ARHGAP6: variants seen among roughly 807,000 people sequenced by gnomAD.
The protein encoded by ARHGAP6 is Rho GTPase activating protein 6, also known as rho GTPase-activating protein 6.
In ARHGAP6, 16 loss-of-function variants were observed where a neutral mutation model predicts 55.7. That is an observed-to-expected ratio of 0.29 (90% CI 0.19 to 0.44). The LOEUF (loss-of-function observed/expected upper bound fraction) is 0.44. ARHGAP6 is among the 20% of genes least tolerant of loss of function. The pLI is 1.00. For missense variants in ARHGAP6, 698 were observed against 808.9 expected (o/e 0.86, Z 1.66); for synonymous variants, 382 against 360.9 (o/e 1.06, Z -0.66).
At chrX:11,623,577 G>A (rs1184981307) in intron 1 of ARHGAP6, among the ~76,000 whole-genome samples, 6 of 107,732 alleles carry the variant, frequency 5.6e-5, no homozygotes, top group Non-Finnish European at 1.2e-4. Flanking sequence ...GGCACCTGTA[G>A]TCCCAGCTAC....
At chrX:11,146,494 C>A (rs1284608883) in intron 10 of ARHGAP6, among the ~76,000 whole-genome samples, 1 of 112,419 alleles carries the variant, frequency 8.9e-6, no homozygotes, top group African/African-American at 3.2e-5. Context: ...AGTTTCCCCA[C>A]CCCCCAGTGT....
chrX:11,212,822 TA>T (rs1293044066), intron 2 of ARHGAP6, among the ~76,000 whole-genome samples: 2 of 111,485 alleles, frequency 1.8e-5, no homozygotes, highest in Non-Finnish European at 3.8e-5. Flanking sequence ...AAAGATTAAA[TA>T]AAAAAATATA....
chrX:11,170,697 G>C (rs900149197), intron 8 of ARHGAP6, among the ~76,000 whole-genome samples: 3 of 111,269 alleles, frequency 2.7e-5, no homozygotes, highest in Admixed American at 9.5e-5. Flanking sequence ...AGTTACGGAG[G>C]GGGTGAAGAG....
intron 1 of ARHGAP6, among the ~76,000 whole-genome samples, chrX:11,443,628 G>A (rs757261290): frequency 8.9e-6 from 1 of 112,453 alleles, no homozygotes; most frequent in African/African-American, 3.2e-5. Flanking sequence ...ATCCCACTGT[G>A]GTTTAAATTA....
chrX:11,583,488 C>T (rs2051688579), intron 1 of ARHGAP6, among the ~76,000 whole-genome samples: 1 of 112,370 alleles, frequency 8.9e-6, no homozygotes, highest in East Asian at 2.8e-4. Flanking sequence ...TCCTATTGCT[C>T]ATGTCAGCAT....
intron 1 of ARHGAP6, among the ~76,000 whole-genome samples, chrX:11,633,952 T>C (rs1009212679): frequency 4.5e-5 from 5 of 111,605 alleles, no homozygotes; most frequent in African/African-American, 1.6e-4. Flanking sequence ...AGAGTTGTTG[T>C]GAGGATCAAA....
chrX:11,473,333 C>A (rs932453512), intron 1 of ARHGAP6, among the ~76,000 whole-genome samples: 2 of 111,626 alleles, frequency 1.8e-5, no homozygotes, highest in Non-Finnish European at 3.8e-5. Context: ...TTGTGTCTCC[C>A]AAAAAGATAT....
rs747950710 is a variant in ARHGAP6 at position 11,304,649 on chromosome X, T to C, written c.589-49942A>G. 1.6e-3 allele frequency among the ~76,000 whole-genome samples: 173 copies of C among 109,728 alleles called. No individual in the cohort carries two copies. In the Middle Eastern group the frequency reaches 0.019, roughly 12 times the overall value. ...ACCACCTCTCTCTGCATGTCTTCCTTTTACCTTCTTTCTAGGGCTGAGCCT... is the reference window on the plus strand; with the variant it reads ...ACCACCTCTCTCTGCATGTCTTCCTCTTACCTTCTTTCTAGGGCTGAGCCT... On this transcript the variant is annotated intron_variant, in intron 1 of 12. Coordinates refer to ENST00000337414, the MANE Select transcript of ARHGAP6 (RefSeq NM_013427.3).
At chrX:11,149,711 TAAAAG>T (rs1481388474) in intron 10 of ARHGAP6, among the ~76,000 whole-genome samples, 3 of 112,141 alleles carry the variant, frequency 2.7e-5, no homozygotes, top group African/African-American at 9.7e-5. Context: ...TTTGAAAGAT[TAAAAG>T]AAATGATCTA....
intron 1 of ARHGAP6, among the ~76,000 whole-genome samples, chrX:11,554,225 A>G (rs190967656): frequency 1.8e-5 from 2 of 111,969 alleles, no homozygotes; most frequent in East Asian, 2.8e-4. Context: ...TCTCACTCAC[A>G]TGTGGGAGCT....
intron 1 of ARHGAP6, among the ~76,000 whole-genome samples, chrX:11,368,197 C>G (rs1051424690): frequency 8.9e-6 from 1 of 112,414 alleles, no homozygotes; most frequent in Non-Finnish European, 1.9e-5. Flanking sequence ...TGTTGTTTAT[C>G]TAAACGGATG....
chrX:11,536,438 G>A (rs2051105060), intron 1 of ARHGAP6, among the ~76,000 whole-genome samples: 1 of 111,559 alleles, frequency 9.0e-6, no homozygotes, highest in African/African-American at 3.3e-5. Context: ...CTCCTAAAGT[G>A]GAAATGTGCT....
rs750694298 is a variant in ARHGAP6 at position 11,246,067 on chromosome X, T to G, written c.748+8481A>C. On this transcript the variant is annotated intron_variant, in intron 2 of 12. Coordinates refer to ENST00000337414, the MANE Select transcript of ARHGAP6 (RefSeq NM_013427.3). The stretch of plus-strand genomic sequence containing the variant: ...CTCTGGTGATTTTACGTGTGGTAGA[T>G]AGAATAGAGGAGAAGCCCTGAATTG... Among the ~76,000 whole-genome samples the G allele has an allele frequency of 3.6e-5, 4 of 111,041 alleles. No homozygotes were observed. The South Asian group carries it at 1.5e-3, about 42-fold the overall frequency.
chrX:11,339,147 C>T (rs1167101307), intron 1 of ARHGAP6, among the ~76,000 whole-genome samples: 1 of 112,215 alleles, frequency 8.9e-6, no homozygotes, highest in Non-Finnish European at 1.9e-5. Context: ...CAGGCACACT[C>T]CAGGTGCTCA....
chrX:11,495,263 C>G (rs1195413936), intron 1 of ARHGAP6, among the ~76,000 whole-genome samples: 1 of 111,110 alleles, frequency 9.0e-6, no homozygotes, highest in East Asian at 2.9e-4. Context: ...CCACCCACCC[C>G]TTTCCTTTTC....
chrX:11,449,914 A>G (rs1353102565), intron 1 of ARHGAP6, among the ~76,000 whole-genome samples: 1 of 111,686 alleles, frequency 9.0e-6, no homozygotes, highest in Non-Finnish European at 1.9e-5. Context: ...AAGCTCCACA[A>G]TGCTGCTGGG....
chrX:11,440,414 T>C (rs978271528), intron 1 of ARHGAP6, among the ~76,000 whole-genome samples: 2 of 112,411 alleles, frequency 1.8e-5, no homozygotes, highest in African/African-American at 6.5e-5. Flanking sequence ...CCAGAGGAGA[T>C]GCCCACTGAA....
chrX:11,306,251 T>C (rs2048237275), intron 1 of ARHGAP6, among the ~76,000 whole-genome samples: 1 of 112,214 alleles, frequency 8.9e-6, no homozygotes, highest in African/African-American at 3.2e-5. Context: ...AGGGCTGGAG[T>C]GCACAGGCTC....
chrX:11,428,275 C>T (rs2147786164), intron 1 of ARHGAP6, among the ~76,000 whole-genome samples: 1 of 111,591 alleles, frequency 9.0e-6, no homozygotes, highest in Admixed American at 9.4e-5. Context: ...CTGAGAGGAA[C>T]CAAGTCATGC....
Sources: allele counts gnomAD v4.1 joint callset (sites outside exome capture counted in the v4.1 genomes callset), GRCh38; gene constraint gnomAD v4.1.1; transcripts MANE v1.5; gene names NCBI Gene and HGNC (gene_info 2026-07-23, HGNC 2026-07-21).